Variants in PTPRJ observed in about 807,000 individuals in gnomAD.
PTPRJ encodes protein tyrosine phosphatase receptor type J.
Under a neutral mutation model 141.3 loss-of-function variants are expected in PTPRJ, and 129 were observed. That is an observed-to-expected ratio of 0.91 (90% CI 0.79 to 1.06). The LOEUF (loss-of-function observed/expected upper bound fraction) is 1.06, where lower values mean the gene tolerates loss of function less well. Among genes scored for constraint, PTPRJ ranks in the 50% least tolerant of loss-of-function variants. The pLI, the probability that PTPRJ is intolerant of heterozygous loss-of-function variation, is 0.00. For synonymous variants in PTPRJ, 610 were observed against 640.5 expected, an observed-to-expected ratio of 0.95 and a Z score of 0.72; for missense variants, 1,601 against 1,679.7, an observed-to-expected ratio of 0.95 and a Z score of 0.82.
At chr11:48,081,816 G>C (rs76477746) in intron 1 of PTPRJ, among the ~76,000 whole-genome samples, 13,996 of 152,194 alleles carry the variant, frequency 0.092, 856 homozygotes, top group Non-Finnish European at 0.12. Flanking sequence ...TGAAAGGGAT[G>C]TTTTAAGGCC....
chr11:48,045,263 C>T (rs948035806), intron 1 of PTPRJ, among the ~76,000 whole-genome samples: 35 of 152,136 alleles, frequency 2.3e-4, no homozygotes, highest in African/African-American at 8.4e-4. Context: ...TTTTGGGAAC[C>T]ACCTGGTGTC....
intron 8 of PTPRJ, among the ~76,000 whole-genome samples, chr11:48,133,203 A>G (rs991005279): frequency 6.6e-5 from 10 of 152,232 alleles, no homozygotes; most frequent in African/African-American, 2.2e-4. Flanking sequence ...CCAGAGTGAC[A>G]AGGTGGCAAA....
chr11:47,987,502 A>C (rs1456397808), intron 1 of PTPRJ, among the ~76,000 whole-genome samples: 1 of 152,234 alleles, frequency 6.6e-6, no homozygotes, highest in Admixed American at 6.5e-5. Context: ...CTTACTGGCC[A>C]CTGGGCAAGA....
chr11:48,161,095 T>C (rs1453476793), intron 22 of PTPRJ, among the ~76,000 whole-genome samples: 2 of 142,926 alleles, frequency 1.4e-5, no homozygotes, highest in African/African-American at 5.2e-5. Context: ...GGAGGATGGC[T>C]TGAGCCCAGG....
At chr11:48,056,366 A>C (rs1854751894) in intron 1 of PTPRJ, among the ~76,000 whole-genome samples, 2 of 152,234 alleles carry the variant, frequency 1.3e-5, no homozygotes, top group Admixed American at 1.3e-4. Context: ...TCTGAGCGTC[A>C]GATTCCTGAG....
At chr11:48,038,726 G>A (rs938621764) in intron 1 of PTPRJ, among the ~76,000 whole-genome samples, 7 of 150,296 alleles carry the variant, frequency 4.7e-5, no homozygotes, top group Non-Finnish European at 1.0e-4. Flanking sequence ...TCCTGACCTC[G>A]TGATCCACCC....
chr11:48,128,821 C>G (rs1175626374), intron 7 of PTPRJ, among the ~76,000 whole-genome samples: 1 of 152,148 alleles, frequency 6.6e-6, no homozygotes, highest in Admixed American at 6.5e-5. Flanking sequence ...GGCTCTGGAC[C>G]CAGGCTTATC....
intron 1 of PTPRJ, among the ~76,000 whole-genome samples, chr11:47,988,606 G>A (rs1033079698): frequency 5.9e-5 from 9 of 152,180 alleles, no homozygotes; most frequent in African/African-American, 1.4e-4. Flanking sequence ...TCCCTGTCCC[G>A]TCACAAATCA....
intron 1 of PTPRJ, among the ~76,000 whole-genome samples, chr11:48,071,048 A>G (rs1855232807): frequency 6.6e-6 from 1 of 152,136 alleles, no homozygotes; most frequent in Non-Finnish European, 1.5e-5. Flanking sequence ...ATTATTACTT[A>G]TTTTCTGAGA....
chr11:48,049,705 A>G (rs1854510124), intron 1 of PTPRJ, among the ~76,000 whole-genome samples: 1 of 143,374 alleles, frequency 7.0e-6, no homozygotes, highest in African/African-American at 2.6e-5. Context: ...CAATAGTGAA[A>G]CTCTGTCTCA....
intron 1 of PTPRJ, among the ~76,000 whole-genome samples, chr11:48,021,663 C>T (rs1015104746): frequency 3.3e-5 from 5 of 151,544 alleles, no homozygotes; most frequent in African/African-American, 4.9e-5. Flanking sequence ...CCCTGCCCCT[C>T]CTCCCCCAAG....
rs1853870695 is a variant in PTPRJ at position 47,980,623 on chromosome 11, CCG to C, written c.-284_-283del. 5.1e-6 allele frequency: 5 copies of C among 983,728 alleles called. No individual in the cohort carries two copies. Among genetic ancestry groups the C allele is most frequent in the Non-Finnish European group, 6.0e-6 (5 of 829,852 alleles). The allele number at this position is 983,728 out of a possible 1,614,324, so 60.9% of individuals were successfully genotyped here. A position where few individuals can be genotyped will look rare whatever the true frequency, so the allele number is the denominator to read the frequency against. On this transcript the variant is annotated 5_prime_UTR_variant, in exon 1 of 25. The change creates a premature stop within an existing upstream ORF in the 5' untranslated region. Transcript: ENST00000418331. The stretch of plus-strand genomic sequence containing the variant: ...AGCCGCGGGAGCCGGGACCGGGTAG[CCG>C]CGCGCTGGGGGTGGGCGCCGCTCGC...
At chr11:48,079,841 C>A (rs1855514057) in intron 1 of PTPRJ, among the ~76,000 whole-genome samples, 2 of 152,154 alleles carry the variant, frequency 1.3e-5, no homozygotes, top group South Asian at 4.1e-4. Flanking sequence ...GTGCCTGCTT[C>A]TGGGTTGGGG....
chr11:47,981,370 G>A (rs1214988419), intron 1 of PTPRJ, among the ~76,000 whole-genome samples: 1 of 152,158 alleles, frequency 6.6e-6, no homozygotes, highest in Admixed American at 6.5e-5. Context: ...GAGGGGGCGT[G>A]TTTGCGGAGG....
At chr11:48,021,417 AAAT>A (rs1253975157) in intron 1 of PTPRJ, among the ~76,000 whole-genome samples, 9 of 81,164 alleles carry the variant, frequency 1.1e-4, no homozygotes, top group East Asian at 9.4e-4. Context: ...ATAAATAAAT[AAAT>A]AAAATAAAAT....
chr11:47,985,763 C>A (rs1209787711), intron 1 of PTPRJ, among the ~76,000 whole-genome samples: 1 of 152,024 alleles, frequency 6.6e-6, no homozygotes, highest in Non-Finnish European at 1.5e-5. Context: ...TGCTGTGGCA[C>A]GATCTCGGCT....
intron 1 of PTPRJ, among the ~76,000 whole-genome samples, chr11:48,086,944 G>T (rs1016952660): frequency 6.6e-6 from 1 of 152,156 alleles, no homozygotes; most frequent in African/African-American, 2.4e-5. Flanking sequence ...CAAAAAAGTT[G>T]TATTGGTAGA....
At chr11:48,136,909 A>G in intron 9 of PTPRJ, 94 bp from the exon 10 acceptor site, 2 of 1,311,944 alleles carry the variant, frequency 1.5e-6, no homozygotes, top group South Asian at 1.4e-5. Context: ...CATTCTTTCT[A>G]AAACGAGCCA....
intron 7 of PTPRJ, among the ~76,000 whole-genome samples, chr11:48,129,150 C>G (rs1856910212): frequency 6.6e-6 from 1 of 152,152 alleles, no homozygotes; most frequent in African/African-American, 2.4e-5. Flanking sequence ...GCTATTTTAA[C>G]CAAAAGGGAT....
Sources: gnomAD v4.1 joint callset for allele counts (sites outside exome capture counted in the v4.1 genomes callset) on GRCh38, gnomAD v4.1.1 for gene constraint, MANE v1.5 for transcripts, NCBI Gene and HGNC (gene_info 2026-07-23, HGNC 2026-07-21) for gene names.